The following ESR1 variants were observed in gnomAD, a reference collection of about 807,000 sequenced individuals.
The protein encoded by ESR1 is estrogen receptor 1.
In ESR1, 12 loss-of-function variants were observed where a neutral mutation model predicts 52.7. That is an observed-to-expected ratio of 0.23 (90% CI 0.15 to 0.37). ESR1 has a LOEUF of 0.37. ESR1 is among the 10% of genes least tolerant of loss of function. The pLI, the probability that ESR1 is intolerant of heterozygous loss-of-function variation, is 1.00. For missense variants in ESR1, 584 were observed against 779.7 expected (o/e 0.75, Z 2.99); for synonymous variants, 305 against 316.8 (o/e 0.96, Z 0.39).
intron 3 of ESR1, among the ~76,000 whole-genome samples, chr6:151,910,713 C>A (rs1277989565): frequency 6.6e-6 from 1 of 152,132 alleles, no homozygotes; most frequent in Non-Finnish European, 1.5e-5. Flanking sequence ...ATTGGTAAAG[C>A]AATCTATTAA....
intron 1 of ESR1, among the ~76,000 whole-genome samples, chr6:151,820,281 T>C (rs1302138577): frequency 2.6e-5 from 4 of 152,208 alleles, no homozygotes; most frequent in African/African-American, 9.6e-5. Context: ...GAATAAATGC[T>C]TACTAACTTA....
At chr6:151,985,817 C>T (rs1054442934) in intron 4 of ESR1, among the ~76,000 whole-genome samples, 6 of 151,962 alleles carry the variant, frequency 3.9e-5, no homozygotes, top group African/African-American at 7.3e-5. Context: ...CAGGTGTGTG[C>T]CACCATCCCT....
At chr6:152,049,677 C>T (rs1429260753) in intron 5 of ESR1, among the ~76,000 whole-genome samples, 6 of 152,090 alleles carry the variant, frequency 3.9e-5, no homozygotes, top group South Asian at 2.1e-4. Context: ...AGTTGAGGTT[C>T]GCCTGTGGAG....
chr6:151,787,528 G>A (rs1227904779), intron 2 of ESR1, among the ~76,000 whole-genome samples: 2 of 151,930 alleles, frequency 1.3e-5, no homozygotes, highest in Admixed American at 6.6e-5. Context: ...ATTTGAGCAG[G>A]GTTTTGTAGT....
chr6:151,703,256 C>A (rs1226749372), intron 2 of ESR1, among the ~76,000 whole-genome samples: 1 of 152,144 alleles, frequency 6.6e-6, no homozygotes, highest in Middle Eastern at 3.2e-3. Flanking sequence ...TAGTGACTAA[C>A]CAAAAATGGT....
intron 3 of ESR1, among the ~76,000 whole-genome samples, chr6:151,889,996 A>G (rs1048822525): frequency 6.6e-6 from 1 of 151,832 alleles, no homozygotes; most frequent in Non-Finnish European, 1.5e-5. Context: ...CATATTATTT[A>G]TGGTTGGAAA....
At chr6:151,864,962 TA>T in intron 2 of ESR1, among the ~76,000 whole-genome samples, 1 of 138,632 alleles carries the variant, frequency 7.2e-6, no homozygotes, top group African/African-American at 2.6e-5. Flanking sequence ...GGGGGAGGGA[TA>T]GCATTAGGAG....
chr6:152,018,730 G>T (rs2043365745), intron 5 of ESR1, among the ~76,000 whole-genome samples: 1 of 151,960 alleles, frequency 6.6e-6, no homozygotes, highest in Non-Finnish European at 1.5e-5. Context: ...GACTGTTTAG[G>T]CCCTGGGCCC....
chr6:151,661,852 T>C (rs1777649190), intron 1 of ESR1, among the ~76,000 whole-genome samples: 1 of 152,224 alleles, frequency 6.6e-6, no homozygotes, highest in Admixed American at 6.5e-5. Flanking sequence ...ATGTAAGACG[T>C]GCCTTGTTTC....
intron 4 of ESR1, among the ~76,000 whole-genome samples, chr6:152,000,634 G>A (rs1030387273): frequency 2.0e-5 from 3 of 151,810 alleles, no homozygotes; most frequent in Admixed American, 6.6e-5. Context: ...GAATAACAAC[G>A]GTCTATGTCA....
intron 1 of ESR1, among the ~76,000 whole-genome samples, chr6:151,683,758 G>A (rs2115307113): frequency 6.6e-6 from 1 of 151,876 alleles, no homozygotes; most frequent in African/African-American, 2.4e-5. Flanking sequence ...GAGTGCAGAG[G>A]TGCTATCTCA....
Position 152,122,248 on chromosome 6 carries a change from T to C in ESR1, c.851-3018T>C, listed in dbSNP as rs372910787. 328 of 838,292 alleles carry C rather than the reference T, an allele frequency of 3.9e-4. 2 individuals carry two copies. The African/African-American group carries it at 5.0e-3, about 13-fold the overall frequency. The allele number at this position is 838,292 out of a possible 1,614,324, so 51.9% of individuals were successfully genotyped here. A position where few individuals can be genotyped will look rare whatever the true frequency, so the allele number is the denominator to read the frequency against. ...TCCAAACCTTCTTGTTGTCTGTTTG[T>C]TCCCCCGTCACTGTTTATCTTCCAC... On this transcript the variant is annotated intron_variant, in intron 6 of 6. Transcript: ENST00000427531.
At chr6:151,686,786 A>G (rs1404591314), upstream of ESR1, among the ~76,000 whole-genome samples, 1 of 152,182 alleles carries the variant, frequency 6.6e-6, no homozygotes. Context: ...CTTAGGTTAC[A>G]CTATTCTGAT....
At chr6:151,776,294 G>A (rs1785986108) in intron 2 of ESR1, among the ~76,000 whole-genome samples, 1 of 152,200 alleles carries the variant, frequency 6.6e-6, no homozygotes, top group African/African-American at 2.4e-5. Context: ...AGAGACCCAG[G>A]AATTCAGTTC....
chr6:151,899,136 C>T (rs1171979078), intron 3 of ESR1, among the ~76,000 whole-genome samples: 42 of 127,976 alleles, frequency 3.3e-4, no homozygotes, highest in Admixed American at 1.3e-3. Flanking sequence ...CTGACCCCCC[C>T]GCCTCCCTCC....
In ESR1 at chr6:152,071,581, TTA is replaced by T. The variant is rs569054978; in HGVS notation, c.1369+10458_1369+10459del. 5.9e-4 allele frequency among the ~76,000 whole-genome samples: 90 copies of T among 152,352 alleles called. 3 individuals are homozygous for T. The South Asian group carries it at 0.018, about 31-fold the overall frequency. On this transcript the variant is annotated intron_variant, in intron 6 of 7. Transcript: ENST00000206249. Reference sequence around the variant, plus strand: ...AGTTAGCTCTTAGAACAATACCTACTTAAACTAACAATTTGTATTAGGTACTG... The same window carrying T: ...AGTTAGCTCTTAGAACAATACCTACTAACTAACAATTTGTATTAGGTACTG...
intron 6 of ESR1, among the ~76,000 whole-genome samples, chr6:152,066,480 A>T (rs1378659746): frequency 6.6e-6 from 1 of 152,252 alleles, no homozygotes; most frequent in Non-Finnish European, 1.5e-5. Flanking sequence ...GTAAATGGGC[A>T]CATTGTCAGG....
At chr6:151,731,270 C>T (rs916498069) in intron 2 of ESR1, among the ~76,000 whole-genome samples, 14 of 151,910 alleles carry the variant, frequency 9.2e-5, no homozygotes, top group Non-Finnish European at 1.6e-4. Flanking sequence ...GCAGGAGAAT[C>T]GCTTGAACTC....
In ESR1 at chr6:151,982,381, T is replaced by C. The variant is rs188261693; in HGVS notation, c.1097-29275T>C. The stretch of plus-strand genomic sequence containing the variant: ...TAGCTTTTAAAAAGTGTTCATAGAA[T>C]GTCTAGAACAGTGCTTGTCTAATAG... On this transcript the variant is annotated intron_variant, in intron 4 of 7. Coordinates refer to ENST00000206249, the MANE Select transcript of ESR1 (RefSeq NM_000125.4). Among the ~76,000 whole-genome samples, 172 of 152,382 alleles carry C rather than the reference T, an allele frequency of 1.1e-3. 2 individuals carry two copies. Among genetic ancestry groups the C allele is most frequent in the Non-Finnish European group, 8.8e-4 (60 of 68,042 alleles).
Sources: gnomAD v4.1 joint callset for allele counts (sites outside exome capture counted in the v4.1 genomes callset) on GRCh38, gnomAD v4.1.1 for gene constraint, MANE v1.5 for transcripts, NCBI Gene and HGNC (gene_info 2026-07-23, HGNC 2026-07-21) for gene names.